The following ESR1 variants were observed in gnomAD, a reference collection of about 807,000 sequenced individuals.
ESR1 encodes estrogen receptor 1, also known as estrogen receptor.
ESR1 carries 12 observed loss-of-function variants against 52.7 expected under a neutral mutation model. That is an observed-to-expected ratio of 0.23 (90% CI 0.15 to 0.37). The LOEUF is 0.37. Among genes scored for constraint, ESR1 ranks in the 10% least tolerant of loss-of-function variants. The pLI, the probability that ESR1 is intolerant of heterozygous loss-of-function variation, is 1.00. For missense variants in ESR1, 584 were observed against 779.7 expected, an observed-to-expected ratio of 0.75 and a Z score of 2.99; for synonymous variants, 305 against 316.8, an observed-to-expected ratio of 0.96 and a Z score of 0.39.
At chr6:151,669,177 AGAGAGAGAGAGATGGG>A (rs1777949684) in intron 1 of ESR1, among the ~76,000 whole-genome samples, 3 of 113,466 alleles carry the variant, frequency 2.6e-5, no homozygotes, top group African/African-American at 3.6e-5. Context: ...AGAGAGAGAG[AGAGAGAGAGAGATGGG>A]AATCCAGGGG....
intron 4 of ESR1, among the ~76,000 whole-genome samples, chr6:151,969,914 A>T (rs542823549): frequency 6.7e-5 from 10 of 149,218 alleles, no homozygotes; most frequent in South Asian, 4.2e-4. Flanking sequence ...AACACAACAA[A>T]TTTTTTTTTT....
intron 1 of ESR1, among the ~76,000 whole-genome samples, chr6:151,676,467 G>T (rs375218545): frequency 6.6e-6 from 1 of 152,198 alleles, no homozygotes; most frequent in African/African-American, 2.4e-5. Context: ...AAAGGACTAA[G>T]GTCCTCAGCA....
At chr6:152,032,303 G>C (rs1241595198) in intron 5 of ESR1, among the ~76,000 whole-genome samples, 1 of 152,128 alleles carries the variant, frequency 6.6e-6, no homozygotes, top group African/African-American at 2.4e-5. Flanking sequence ...CAATCAGGCA[G>C]GAGAAGGAAA....
intron 6 of ESR1, chr6:152,125,129 C>T: frequency 1.1e-6 from 1 of 947,918 alleles, no homozygotes. Context: ...GCTTCAGATT[C>T]TACAGTTAAA....
intron 5 of ESR1, among the ~76,000 whole-genome samples, chr6:152,049,235 G>C (rs1270682779): frequency 6.6e-6 from 1 of 152,182 alleles, no homozygotes; most frequent in Non-Finnish European, 1.5e-5. Context: ...TCTGACAGAA[G>C]CATCTGTAAT....
At chr6:151,847,629 T>A (rs977289880) in intron 2 of ESR1, among the ~76,000 whole-genome samples, 5 of 135,598 alleles carry the variant, frequency 3.7e-5, no homozygotes, top group African/African-American at 1.4e-4. Flanking sequence ...CATTGTAGAT[T>A]CTGGATATTA....
upstream of ESR1, among the ~76,000 whole-genome samples, chr6:151,806,557 T>TATATATATATATATATACACAC (rs1554259008): frequency 7.5e-6 from 1 of 133,788 alleles, no homozygotes; most frequent in Non-Finnish European, 1.6e-5. Flanking sequence ...TATATATATA[T>TATATATATATATATATACACAC]ACACATATAT....
At chr6:151,868,839 CT>C (rs1295432156) in intron 2 of ESR1, among the ~76,000 whole-genome samples, 1 of 152,086 alleles carries the variant, frequency 6.6e-6, no homozygotes, top group African/African-American at 2.4e-5. Context: ...GGAGGAACTT[CT>C]CCTACGAAGT....
At chr6:151,909,509 C>A (rs1797945252) in intron 3 of ESR1, among the ~76,000 whole-genome samples, 1 of 152,166 alleles carries the variant, frequency 6.6e-6, no homozygotes, top group Non-Finnish European at 1.5e-5. Context: ...GCTTCTGACA[C>A]CAGGAAAGTC....
At chr6:151,974,677 A>G (rs2039259588) in intron 4 of ESR1, among the ~76,000 whole-genome samples, 1 of 152,224 alleles carries the variant, frequency 6.6e-6, no homozygotes, top group Non-Finnish European at 1.5e-5. Context: ...TGCTTTATAA[A>G]CTATAAACAC....
At chr6:151,898,384 A>ATTTTTTTTTTTTTT (rs371510396) in intron 3 of ESR1, among the ~76,000 whole-genome samples, 7 of 101,188 alleles carry the variant, frequency 6.9e-5, no homozygotes, top group Admixed American at 1.0e-4. Context: ...GGTTTTGTTC[A>ATTTTTTTTTTTTTT]TTTTTTTTTT....
At chr6:151,847,172 A>G (rs1214963915) in intron 2 of ESR1, among the ~76,000 whole-genome samples, 1 of 152,220 alleles carries the variant, frequency 6.6e-6, no homozygotes, top group East Asian at 1.9e-4. Context: ...TTATGGGTCA[A>G]TGCAGTGGGG....
chr6:151,987,237 G>A (rs558573584), intron 4 of ESR1, among the ~76,000 whole-genome samples: 47 of 152,032 alleles, frequency 3.1e-4, no homozygotes, highest in African/African-American at 1.1e-3. Context: ...TCTCTTTCAG[G>A]AATTCACCAA....
intron 4 of ESR1, among the ~76,000 whole-genome samples, chr6:151,985,939 G>A (rs962478877): frequency 6.6e-6 from 1 of 152,150 alleles, no homozygotes; most frequent in African/African-American, 2.4e-5. Flanking sequence ...AAAGTGCTGG[G>A]ATTACAGGTG....
intron 2 of ESR1, among the ~76,000 whole-genome samples, chr6:151,719,942 A>G (rs1443604060): frequency 6.6e-6 from 1 of 152,206 alleles, no homozygotes; most frequent in Non-Finnish European, 1.5e-5. Flanking sequence ...TATTTGACTT[A>G]GGATACTAGT....
At chr6:151,927,229 C>T (rs913677612) in intron 3 of ESR1, among the ~76,000 whole-genome samples, 3 of 152,054 alleles carry the variant, frequency 2.0e-5, no homozygotes, top group African/African-American at 7.2e-5. Flanking sequence ...TTTTATGCAT[C>T]GTTTGTTCTG....
chr6:152,118,596 CA>C (rs1256772330), intron 6 of ESR1, among the ~76,000 whole-genome samples: 11 of 104,768 alleles, frequency 1.0e-4, no homozygotes, highest in African/African-American at 2.7e-4. Context: ...TGGGGCCTGT[CA>C]GGGGGGTAGG....
intron 5 of ESR1, among the ~76,000 whole-genome samples, chr6:152,013,069 T>C (rs2042908442): frequency 6.6e-6 from 1 of 152,198 alleles, no homozygotes; most frequent in Non-Finnish European, 1.5e-5. Context: ...GATATCACAG[T>C]TTCACAAAAT....
intron 1 of ESR1, among the ~76,000 whole-genome samples, chr6:151,667,090 T>G (rs562850555): frequency 3.3e-5 from 5 of 152,274 alleles, no homozygotes; most frequent in Admixed American, 2.0e-4. Flanking sequence ...ATTCATAGAT[T>G]TGCTGTCTGG....
Sources: allele counts gnomAD v4.1 joint callset (sites outside exome capture counted in the v4.1 genomes callset), GRCh38; gene constraint gnomAD v4.1.1; transcripts MANE v1.5; gene names NCBI Gene and HGNC (gene_info 2026-07-23, HGNC 2026-07-21).